OPCML: variants seen among roughly 807,000 people sequenced by gnomAD.
OPCML encodes opioid binding protein/cell adhesion molecule like.
A neutral mutation model predicts 37.8 loss-of-function variants in OPCML; 13 were observed. That is an observed-to-expected ratio of 0.34 (90% CI 0.22 to 0.55). The LOEUF (loss-of-function observed/expected upper bound fraction) is 0.55. Ranked by LOEUF, OPCML falls within the 20% of genes least tolerant of loss-of-function variation. The probability of loss-of-function intolerance (pLI) is 0.91; values close to 1 mark genes in which losing one functional copy is unlikely to be tolerated. For missense variants in OPCML, 341 were observed against 435.6 expected, an observed-to-expected ratio of 0.78 and a Z score of 1.93; for synonymous variants, 176 against 168.8, an observed-to-expected ratio of 1.04 and a Z score of -0.33.
At chr11:132,856,126 G>T (rs1942044673) in intron 2 of OPCML, among the ~76,000 whole-genome samples, 1 of 152,084 alleles carries the variant, frequency 6.6e-6, no homozygotes, top group African/African-American at 2.4e-5. Context: ...TCATGTCCTA[G>T]GCATAAAAAT....
chr11:133,283,337 G>A (rs1255296192), intron 1 of OPCML, among the ~76,000 whole-genome samples: 4 of 152,082 alleles, frequency 2.6e-5, no homozygotes, highest in Non-Finnish European at 5.9e-5. Context: ...TACCAACCAC[G>A]ATATTTGGCT....
chr11:132,586,119 A>G lies in OPCML; in HGVS notation c.380-56933T>C, dbSNP rs2096472039. On this transcript the variant is annotated intron_variant, in intron 3 of 7. Transcript: ENST00000524381. ...GGGGATCATTTCAGTTCCCAAATGT[A>G]CAATAGGATGGGCACTGCACCCACA... Among the ~76,000 whole-genome samples the G allele has an allele frequency of 2.0e-5, 3 of 152,138 alleles. No individual in the cohort carries two copies. In the South Asian group the frequency reaches 6.2e-4, roughly 32 times the overall value.
At position 133,316,782 on chromosome 11, in the gene OPCML, T is replaced by G. The variant is rs73031339; in HGVS notation, c.61+215482A>C. On this transcript the variant is annotated intron_variant, in intron 1 of 7. Transcript: ENST00000524381. ...TATATGCGGGGATATTCAGCACTAG[T>G]GAAATATGATGCATTAAAGAAATTA... is the stretch of plus-strand genomic sequence containing the variant. Among the ~76,000 whole-genome samples, 1,410 of 152,312 alleles carry G rather than the reference T, an allele frequency of 9.3e-3. 11 individuals carry two copies. The highest frequency in any genetic ancestry group is 0.014 in the Non-Finnish European group (922 of 68,034).
intron 1 of OPCML, among the ~76,000 whole-genome samples, chr11:133,218,390 G>A (rs142803178): frequency 6.5e-4 from 99 of 152,256 alleles, no homozygotes; most frequent in African/African-American, 2.2e-3. Flanking sequence ...TTAAGTGATC[G>A]CCTTTAGAAA....
intron 4 of OPCML, among the ~76,000 whole-genome samples, chr11:132,478,421 A>G (rs1245050631): frequency 6.6e-6 from 1 of 152,216 alleles, no homozygotes; most frequent in East Asian, 1.9e-4. Flanking sequence ...GGAAGATGAG[A>G]AAGATGAAGA....
chr11:133,303,481 G>A (rs1054049215), intron 1 of OPCML, among the ~76,000 whole-genome samples: 10 of 152,162 alleles, frequency 6.6e-5, no homozygotes, highest in African/African-American at 9.7e-5. Flanking sequence ...TATTCATTGC[G>A]GTTGGCCTGT....
intron 4 of OPCML, among the ~76,000 whole-genome samples, chr11:132,479,376 G>A (rs1217028471): frequency 6.6e-6 from 1 of 152,204 alleles, no homozygotes; most frequent in East Asian, 1.9e-4. Context: ...AGGGTCCTAT[G>A]CCCACGGAAT....
chr11:132,458,006 G>C (rs1401721604), intron 4 of OPCML, among the ~76,000 whole-genome samples: 5 of 152,148 alleles, frequency 3.3e-5, no homozygotes, highest in African/African-American at 1.2e-4. Context: ...TTTGTCAATG[G>C]GTCAGTGATG....
intron 1 of OPCML, among the ~76,000 whole-genome samples, chr11:132,946,892 G>C (rs1189409068): frequency 3.3e-5 from 5 of 152,160 alleles, no homozygotes; most frequent in Admixed American, 3.3e-4. Flanking sequence ...CTGAGTTCTA[G>C]TCTAGTATCA....
In OPCML at chr11:133,032,964, T is replaced by C. The variant is rs1350034893; in HGVS notation, c.62-89954A>G. ...AATGAGGATAGTGAACATAAATATA[T>C]ATAATTACTCTACATTAATATAATT... On this transcript the variant is annotated intron_variant, in intron 1 of 7. Coordinates refer to ENST00000524381, the MANE Select transcript of OPCML (RefSeq NM_001012393.5). Among the ~76,000 whole-genome samples, 4 of 152,168 alleles carry C rather than the reference T, an allele frequency of 2.6e-5. 1 individual carries two copies. Among genetic ancestry groups the C allele is most frequent in the Non-Finnish European group, 5.9e-5 (4 of 68,028 alleles).
intron 1 of OPCML, among the ~76,000 whole-genome samples, chr11:133,213,741 A>G (rs1483744891): frequency 2.0e-5 from 3 of 152,186 alleles, no homozygotes; most frequent in Non-Finnish European, 2.9e-5. Flanking sequence ...TATTTCTGGT[A>G]TACTCTTCAG....
chr11:132,515,798 C>A (rs191862939), intron 4 of OPCML, among the ~76,000 whole-genome samples: 102 of 152,260 alleles, frequency 6.7e-4, no homozygotes, highest in African/African-American at 2.4e-3. Flanking sequence ...CATTCTTCAA[C>A]CTCGGACATG....
chr11:133,145,412 C>A (rs1027074778), intron 1 of OPCML, among the ~76,000 whole-genome samples: 1 of 151,950 alleles, frequency 6.6e-6, no homozygotes, highest in Non-Finnish European at 1.5e-5. Context: ...TAAAGGTAAA[C>A]CAGAGAAAGG....
At chr11:133,204,359 T>C (rs145736382) in intron 1 of OPCML, among the ~76,000 whole-genome samples, 47 of 152,320 alleles carry the variant, frequency 3.1e-4, no homozygotes, top group Middle Eastern at 3.4e-3. Context: ...CCTACCCTTA[T>C]TCTCCATTCT....
intron 2 of OPCML, among the ~76,000 whole-genome samples, chr11:132,886,326 T>C (rs1239876370): frequency 3.3e-5 from 5 of 152,246 alleles, no homozygotes; most frequent in African/African-American, 1.2e-4. Flanking sequence ...ATGGACTCTG[T>C]GGGTGTGGAA....
intron 2 of OPCML, among the ~76,000 whole-genome samples, chr11:132,827,818 G>C (rs531497211): frequency 1.9e-5 from 2 of 107,704 alleles, no homozygotes; most frequent in Admixed American, 1.7e-4. Context: ...TTTTTTTTTT[G>C]TATTTTTAGT....
chr11:133,413,507 A>T (rs1474452912), intron 1 of OPCML, among the ~76,000 whole-genome samples: 4 of 151,800 alleles, frequency 2.6e-5, no homozygotes, highest in Non-Finnish European at 4.4e-5. Flanking sequence ...AAATAAATAT[A>T]TAAAAACAAA....
intron 2 of OPCML, among the ~76,000 whole-genome samples, chr11:132,918,369 C>T (rs149635306): frequency 3.3e-4 from 51 of 152,308 alleles, no homozygotes; most frequent in Non-Finnish European, 5.0e-4. Context: ...GTTCTTCTCA[C>T]GTCCATTTGT....
At chr11:133,028,653 T>C (rs547032336) in intron 1 of OPCML, among the ~76,000 whole-genome samples, 1 of 151,838 alleles carries the variant, frequency 6.6e-6, no homozygotes, top group Admixed American at 6.6e-5. Context: ...CTGGCAACCA[T>C]ATGCAAAAGA....
Sources: allele counts gnomAD v4.1 joint callset (sites outside exome capture counted in the v4.1 genomes callset), GRCh38; gene constraint gnomAD v4.1.1; transcripts MANE v1.5; gene names NCBI Gene and HGNC (gene_info 2026-07-23, HGNC 2026-07-21).